The following HMGXB4 variants were observed in gnomAD, a reference collection of about 807,000 sequenced individuals.
The protein encoded by HMGXB4 is HMG-box containing 4.
Under a neutral mutation model 63.9 loss-of-function variants are expected in HMGXB4, and 27 were observed. The ratio of observed to expected loss-of-function variants is 0.42; its 90% CI spans 0.31 to 0.58. The LOEUF is 0.58. Ranked by LOEUF, HMGXB4 falls within the 20% of genes least tolerant of loss-of-function variation. The probability of loss-of-function intolerance (pLI) is 0.13; values close to 1 mark genes in which losing one functional copy is unlikely to be tolerated. For missense variants in HMGXB4, 624 were observed against 700.7 expected (o/e 0.89, Z 1.24); for synonymous variants, 264 against 265.3 (o/e 0.99, Z 0.05).
At position 35,263,211 on chromosome 22, in the gene HMGXB4, CAAG is replaced by C. The variant is rs764848286; in HGVS notation, c.172_174del (p.Lys58del). On this transcript the variant is annotated inframe_deletion, in exon 3 of 11. Transcript: ENST00000216106. ...TTGCTGCTCAGGTCAGGAATTCTTC[CAAG>C]AAGAAGTTGAAGGTAAGTCCTGAAA... The C allele has an allele frequency of 4.2e-5, 67 of 1,610,134 alleles. No homozygotes were observed. The highest frequency in any genetic ancestry group is 3.4e-4 in the African/African-American group (25 of 74,432).
chr22:35,291,302 C>T (rs956177033), intron 9 of HMGXB4, among the ~76,000 whole-genome samples: 2 of 151,880 alleles, frequency 1.3e-5, no homozygotes, highest in Non-Finnish European at 2.9e-5. Context: ...GTGTGTGTGG[C>T]GTGTGGTGTG....
chr22:35,263,996 T>A, intron 4 of HMGXB4, 122 bp downstream of exon 4: 1 of 1,564,200 alleles, frequency 6.4e-7, no homozygotes, highest in South Asian at 1.2e-5. Flanking sequence ...GTGGTTCTTG[T>A]TCTGAGTGCC....
In HMGXB4 at chr22:35,293,891, C is replaced by T. The variant is rs1925079960; in HGVS notation, c.*240C>T. 1 of 274,416 alleles carries T rather than the reference C, an allele frequency of 3.6e-6. No homozygotes were observed. The highest frequency in any genetic ancestry group is 5.1e-5 in the Admixed American group (1 of 19,770). 17.0% of individuals were successfully genotyped at this position (274,416 alleles called of 1,614,324 possible). ...GAGGAAATTTTGGCATGAATACAGG[C>T]TTGGGATTCTTTTTTCTCCTGTGGT... On this transcript the variant is annotated 3_prime_UTR_variant, in exon 11 of 11. Coordinates refer to ENST00000216106, the MANE Select transcript of HMGXB4 (RefSeq NM_001003681.3).
At chr22:35,273,275 C>T (rs999015590) in intron 5 of HMGXB4, among the ~76,000 whole-genome samples, 38 of 152,200 alleles carry the variant, frequency 2.5e-4, no homozygotes, top group Admixed American at 1.5e-3. Flanking sequence ...GCCCCACTGA[C>T]GGAGGAAGAA....
the HMGXB4 span, among the ~76,000 whole-genome samples, chr22:35,242,349 G>A: frequency 6.6e-6 from 1 of 152,006 alleles, no homozygotes; most frequent in East Asian, 1.9e-4. Context: ...ATAGCTATAG[G>A]GCTAGTAAAA....
At chr22:35,243,670 A>G in the HMGXB4 span, among the ~76,000 whole-genome samples, 13 of 151,846 alleles carry the variant, frequency 8.6e-5, no homozygotes, top group Admixed American at 8.5e-4. Flanking sequence ...GGGCCTCCCA[A>G]GTTGCTGGGA....
chr22:35,261,166 G>A (rs756385312), intron 1 of HMGXB4, among the ~76,000 whole-genome samples: 2 of 152,092 alleles, frequency 1.3e-5, no homozygotes, highest in African/African-American at 2.4e-5. Flanking sequence ...GGCTGGGCGC[G>A]GTGGCTCACG....
chr22:35,293,676 C>T lies in HMGXB4; in HGVS notation c.*25C>T. On this transcript the variant is annotated 3_prime_UTR_variant, in exon 11 of 11. Transcript: ENST00000216106. ...ACAGCAAAGAATCCTGGGACAGAAA[C>T]CTTATCCTACACCATTGCTGGTTTG... 6.4e-7 allele frequency: 1 copy of T among 1,569,092 alleles called. No individual in the cohort carries two copies. Among genetic ancestry groups the T allele is most frequent in the South Asian group, 1.1e-5 (1 of 90,118 alleles).
chr22:35,259,768 A>G (rs1234824239), intron 1 of HMGXB4, among the ~76,000 whole-genome samples: 1 of 152,204 alleles, frequency 6.6e-6, no homozygotes, highest in Non-Finnish European at 1.5e-5. Flanking sequence ...TCTTCAGTGA[A>G]TTGGACGTGT....
rs1925099790 is a variant in HMGXB4, at chr22:35,294,092, A to AT, written c.*442dup. 6.5e-6 allele frequency: 1 copy of AT among 152,902 alleles called. No individual in the cohort carries two copies. The highest frequency in any genetic ancestry group is 2.4e-5 in the African/African-American group (1 of 41,466). The allele number at this position is 152,902 out of a possible 1,614,324, so 9.5% of individuals were successfully genotyped here. A position where few individuals can be genotyped will look rare whatever the true frequency, so the allele number is the denominator to read the frequency against. On this transcript the variant is annotated 3_prime_UTR_variant, in exon 11 of 11. Coordinates refer to ENST00000216106, the MANE Select transcript of HMGXB4 (RefSeq NM_001003681.3). ...CTTAGTCTGAAATGTAATAGGAAAGATAACGGGAAGATGCCAGTTGACTGA... is the reference window on the plus strand; with the variant it reads ...CTTAGTCTGAAATGTAATAGGAAAGATTAACGGGAAGATGCCAGTTGACTGA...
intron 1 of HMGXB4, among the ~76,000 whole-genome samples, chr22:35,260,722 A>G (rs572174550): frequency 7.9e-5 from 12 of 152,240 alleles, no homozygotes; most frequent in Non-Finnish European, 1.8e-4. Flanking sequence ...AAGTGAAGAA[A>G]TGCTTTTTTA....
intron 5 of HMGXB4, among the ~76,000 whole-genome samples, chr22:35,273,391 C>A (rs971938693): frequency 6.6e-6 from 1 of 152,216 alleles, no homozygotes. Context: ...TGGATTCTTA[C>A]TCTGGTCTGC....
At chr22:35,272,360 T>C (rs1470165491) in intron 5 of HMGXB4, among the ~76,000 whole-genome samples, 1 of 105,766 alleles carries the variant, frequency 9.5e-6, no homozygotes, top group Admixed American at 9.9e-5. Context: ...GAATTTTGAC[T>C]GACACAAAGA....
At chr22:35,246,854 C>T in the HMGXB4 span, among the ~76,000 whole-genome samples, 4 of 152,252 alleles carry the variant, frequency 2.6e-5, no homozygotes, top group African/African-American at 9.6e-5. Context: ...GGAAGAAGCA[C>T]ATCCACGCCA....
the HMGXB4 span, chr22:35,249,738 T>C: frequency 1.0e-5 from 1 of 99,894 alleles, no homozygotes; most frequent in African/African-American, 2.6e-5. Context: ...TTTTTAAATA[T>C]TATTCTGTGA....
chr22:35,262,625 G>A, intron 2 of HMGXB4: 2 of 597,618 alleles, frequency 3.3e-6, no homozygotes, highest in East Asian at 5.6e-5. Flanking sequence ...CAACACGAGA[G>A]TCTGAAATAT....
At chr22:35,246,925 A>C in the HMGXB4 span, among the ~76,000 whole-genome samples, 1 of 152,210 alleles carries the variant, frequency 6.6e-6, no homozygotes, top group Non-Finnish European at 1.5e-5. Context: ...CCTGCTCGGC[A>C]CACTTAATCT....
chr22:35,289,947 G>A (rs1192205611), intron 9 of HMGXB4, among the ~76,000 whole-genome samples: 1 of 152,166 alleles, frequency 6.6e-6, no homozygotes, highest in Admixed American at 6.5e-5. Context: ...CTAATCACTT[G>A]CTTCAATGTG....
At chr22:35,264,574 C>G in intron 4 of HMGXB4, 74 bp from the exon 5 acceptor site, 1 of 1,034,348 alleles carries the variant, frequency 9.7e-7, no homozygotes, top group South Asian at 1.6e-5. Context: ...TAGCTAGGTG[C>G]TTTTGATGAG....
Sources: allele counts gnomAD v4.1 joint callset (sites outside exome capture counted in the v4.1 genomes callset), GRCh38; gene constraint gnomAD v4.1.1; transcripts MANE v1.5; gene names NCBI Gene and HGNC (gene_info 2026-07-23, HGNC 2026-07-21).